The following DYNLRB1 variants were observed in gnomAD, a reference collection of about 807,000 sequenced individuals.
The protein encoded by DYNLRB1 is ROBL/LC7-like 1.
A neutral mutation model predicts 13.5 loss-of-function variants in DYNLRB1; 6 were observed. That is an observed-to-expected ratio of 0.44 (90% CI 0.24 to 0.88). DYNLRB1 has a LOEUF of 0.88. DYNLRB1 is among the 40% of genes least tolerant of loss of function. The pLI is 0.21. For synonymous variants in DYNLRB1, 43 were observed against 45.0 expected (o/e 0.96, Z 0.18); for missense variants, 93 against 127.2 (o/e 0.73, Z 1.29).
chr20:34,536,514 A>G (rs1207896924), intron 3 of DYNLRB1: 1 of 978,796 alleles, frequency 1.0e-6, no homozygotes, highest in Non-Finnish European at 1.2e-6. Context: ...TGGGAGGCCA[A>G]GGCAGGCGGA....
intron 3 of DYNLRB1, among the ~76,000 whole-genome samples, chr20:34,538,405 C>T (rs886460032): frequency 3.3e-5 from 5 of 152,086 alleles, no homozygotes; most frequent in Non-Finnish European, 7.4e-5. Context: ...CCACTGCACT[C>T]CAGCCTGGGC....
At chr20:34,536,513 A>G in intron 3 of DYNLRB1, 3 of 980,358 alleles carry the variant, frequency 3.1e-6, no homozygotes, top group Non-Finnish European at 3.6e-6. Flanking sequence ...TTGGGAGGCC[A>G]AGGCAGGCGG....
intron 2 of DYNLRB1, among the ~76,000 whole-genome samples, chr20:34,527,569 C>G (rs1980328839): frequency 6.6e-6 from 1 of 152,190 alleles, no homozygotes; most frequent in African/African-American, 2.4e-5. Context: ...CACACGTATT[C>G]ATTCTTTGAA....
At chr20:34,523,813 C>T (rs6059895) in intron 1 of DYNLRB1, among the ~76,000 whole-genome samples, 1 of 152,170 alleles carries the variant, frequency 6.6e-6, no homozygotes, top group Non-Finnish European at 1.5e-5. Context: ...CATCACAGGC[C>T]TAGAACAATG....
intron 3 of DYNLRB1, among the ~76,000 whole-genome samples, chr20:34,540,224 A>G (rs1336053819): frequency 2.0e-5 from 3 of 152,160 alleles, no homozygotes; most frequent in South Asian, 2.1e-4. Context: ...TAGCTTGACA[A>G]CCATGGCCTT....
In DYNLRB1 at chr20:34,535,732, G is replaced by A. The variant is rs1041318539; in HGVS notation, c.247+937G>A. Reference sequence around the variant, plus strand: ...TCTAGGGCATCAGGATGTGAGTGGGGAGGAGTGGGAGGTGAGGCTTTGGTC... The same window carrying A: ...TCTAGGGCATCAGGATGTGAGTGGGAAGGAGTGGGAGGTGAGGCTTTGGTC... On this transcript the variant is annotated intron_variant, in intron 3 of 3. Transcript: ENST00000357156. 3.0e-6 allele frequency: 3 copies of A among 985,294 alleles called. No individual in the cohort carries two copies. In the African/African-American group the frequency reaches 5.2e-5, roughly 17 times the overall value. The allele number at this position is 985,294 out of a possible 1,614,324, so 61.0% of individuals were successfully genotyped here. A position where few individuals can be genotyped will look rare whatever the true frequency, so the allele number is the denominator to read the frequency against.
chr20:34,537,447 G>A (rs1981233728), intron 3 of DYNLRB1, among the ~76,000 whole-genome samples: 1 of 152,110 alleles, frequency 6.6e-6, no homozygotes, highest in Admixed American at 6.5e-5. Context: ...TTAAATAAAT[G>A]AATGACTCTG....
At chr20:34,534,970 A>C in intron 3 of DYNLRB1, 175 bp downstream of exon 3, 1 of 1,464,612 alleles carries the variant, frequency 6.8e-7, no homozygotes, top group East Asian at 2.5e-5. Context: ...GTCCCATAGC[A>C]GATCCTCCCA....
intron 2 of DYNLRB1, among the ~76,000 whole-genome samples, chr20:34,532,280 G>A (rs1980770839): frequency 1.3e-5 from 2 of 152,214 alleles, no homozygotes. Context: ...GCACTTTGAA[G>A]CACAGATATT....
At chr20:34,537,125 C>G (rs933338650) in intron 3 of DYNLRB1, among the ~76,000 whole-genome samples, 6 of 152,294 alleles carry the variant, frequency 3.9e-5, no homozygotes, top group South Asian at 2.1e-4. Context: ...CTGGAGATCC[C>G]ACAACCTTGT....
At chr20:34,522,225 T>C (rs1979779206) in intron 1 of DYNLRB1, among the ~76,000 whole-genome samples, 1 of 152,104 alleles carries the variant, frequency 6.6e-6, no homozygotes, top group Non-Finnish European at 1.5e-5. Flanking sequence ...TCAGCTCTTC[T>C]GTTGACCTGC....
chr20:34,539,982 AAAAG>A (rs147105560), intron 3 of DYNLRB1, among the ~76,000 whole-genome samples: 67 of 152,126 alleles, frequency 4.4e-4, no homozygotes, highest in East Asian at 4.1e-3. Context: ...GGAGGGGAAA[AAAAG>A]AGAGAGAGAA....
At chr20:34,519,979 C>T (rs540634191) in intron 1 of DYNLRB1, among the ~76,000 whole-genome samples, 28 of 151,908 alleles carry the variant, frequency 1.8e-4, no homozygotes, top group Non-Finnish European at 3.7e-4. Flanking sequence ...ACTAAAAATA[C>T]GAAAAGTAGC....
chr20:34,524,739 T>G (rs967668691), intron 1 of DYNLRB1, among the ~76,000 whole-genome samples: 3 of 152,060 alleles, frequency 2.0e-5, no homozygotes, highest in African/African-American at 4.8e-5. Context: ...TTTGTTTTTT[T>G]TTTTTGGAAA....
intron 3 of DYNLRB1, chr20:34,535,488 G>A (rs1050617700): frequency 2.4e-5 from 18 of 751,652 alleles, no homozygotes; most frequent in Non-Finnish European, 2.6e-5. Flanking sequence ...TCTGGGAGGA[G>A]CCCACAAGGA....
At chr20:34,517,929 G>A (rs190097745) in intron 1 of DYNLRB1, among the ~76,000 whole-genome samples, 2 of 152,106 alleles carry the variant, frequency 1.3e-5, no homozygotes, top group East Asian at 3.9e-4. Flanking sequence ...GAGCCACCAC[G>A]CCTGGCCCAC....
chr20:34,526,039 A>G (rs552691004), intron 1 of DYNLRB1, among the ~76,000 whole-genome samples: 5 of 152,328 alleles, frequency 3.3e-5, no homozygotes, highest in Admixed American at 3.3e-4. Flanking sequence ...TGGTGGGCAG[A>G]GCGCCAGGAG....
chr20:34,522,262 C>T (rs1167958339), intron 1 of DYNLRB1, among the ~76,000 whole-genome samples: 2 of 152,054 alleles, frequency 1.3e-5, no homozygotes, highest in Non-Finnish European at 2.9e-5. Context: ...AAACCCTTCT[C>T]CTTTCCAAAC....
chr20:34,523,435 C>T (rs1445904148), intron 1 of DYNLRB1, among the ~76,000 whole-genome samples: 1 of 152,160 alleles, frequency 6.6e-6, no homozygotes, highest in African/African-American at 2.4e-5. Context: ...GGTCTGGTCC[C>T]GGATCCCAGC....
Sources: gnomAD v4.1 joint callset for allele counts (sites outside exome capture counted in the v4.1 genomes callset) on GRCh38, gnomAD v4.1.1 for gene constraint, MANE v1.5 for transcripts, NCBI Gene and HGNC (gene_info 2026-07-23, HGNC 2026-07-21) for gene names.